The following BNC2 variants were observed in gnomAD, a reference collection of about 807,000 sequenced individuals.
The protein encoded by BNC2 is basonuclin zinc finger protein 2, also known as zinc finger protein basonuclin-2.
A neutral mutation model predicts 76.3 loss-of-function variants in BNC2; 20 were observed. The observed-to-expected ratio is 0.26, with a 90% CI of 0.18 to 0.38. The LOEUF (loss-of-function observed/expected upper bound fraction) is 0.38, where lower values mean the gene tolerates loss of function less well. BNC2 is among the 10% of genes least tolerant of loss of function. BNC2 has a pLI of 1.00. For missense variants in BNC2, 1,382 were observed against 1,399.8 expected, an observed-to-expected ratio of 0.99 and a Z score of 0.20; for synonymous variants, 582 against 514.8, an observed-to-expected ratio of 1.13 and a Z score of -1.77.
At chr9:16,610,788 G>A (rs1181605447) in intron 3 of BNC2, among the ~76,000 whole-genome samples, 1 of 152,094 alleles carries the variant, frequency 6.6e-6, no homozygotes, top group Non-Finnish European at 1.5e-5. Context: ...TTAGTCATGA[G>A]TGCATACCCA....
intron 3 of BNC2, among the ~76,000 whole-genome samples, chr9:16,614,576 A>G (rs1038647952): frequency 3.3e-5 from 5 of 152,022 alleles, no homozygotes; most frequent in Admixed American, 2.6e-4. Context: ...GTTTCCAGGT[A>G]CTATTTAAAA....
chr9:16,548,383 ATTC>A lies in BNC2; in HGVS notation c.669+4144_669+4146del, dbSNP rs555793995. Among the ~76,000 whole-genome samples the A allele has an allele frequency of 1.6e-3, 245 of 150,970 alleles. 2 individuals are homozygous for A. The highest frequency in any genetic ancestry group is 4.9e-3 in the African/African-American group (201 of 41,226). ...CACAAGATACAGACCTGAACTAAGA[ATTC>A]TTCTTCTTCTTCTTCTTCGTTTTTT... On this transcript the variant is annotated intron_variant, in intron 5 of 6. Coordinates refer to ENST00000380672, the MANE Select transcript of BNC2 (RefSeq NM_017637.6).
At chr9:16,723,104 T>G (rs531766626) in intron 3 of BNC2, among the ~76,000 whole-genome samples, 1 of 152,298 alleles carries the variant, frequency 6.6e-6, no homozygotes, top group East Asian at 1.9e-4. Flanking sequence ...GCATGCCTCT[T>G]AATATAAATA....
chr9:16,577,021 C>T (rs1819505181), intron 4 of BNC2, among the ~76,000 whole-genome samples: 1 of 152,182 alleles, frequency 6.6e-6, no homozygotes, highest in African/African-American at 2.4e-5. Context: ...CAGGCGTGAG[C>T]CACCGCGCCT....
intron 5 of BNC2, among the ~76,000 whole-genome samples, chr9:16,440,640 T>C (rs550286259): frequency 6.6e-6 from 1 of 152,206 alleles, no homozygotes; most frequent in Non-Finnish European, 1.5e-5. Flanking sequence ...GCATCTCATT[T>C]CCATCACCCT....
At chr9:16,846,592 T>C (rs180940409) in intron 1 of BNC2, among the ~76,000 whole-genome samples, 2 of 152,306 alleles carry the variant, frequency 1.3e-5, no homozygotes, top group African/African-American at 4.8e-5. Flanking sequence ...AGGGTTTCTC[T>C]TTCAGCAGGC....
In BNC2 at chr9:16,790,551, T is replaced by C. The variant is rs182027341; in HGVS notation, c.4-52066A>G. On this transcript the variant is annotated intron_variant, in intron 1 of 6. Transcript: ENST00000380672. ...CAATTCTAAACAAGCATCTTTTCCA[T>C]GCCTTGGTAGATAGGTATACTTCCT... Among the ~76,000 whole-genome samples, 71 of 152,358 alleles carry C rather than the reference T, an allele frequency of 4.7e-4. 1 individual carries two copies. Among genetic ancestry groups the C allele is most frequent in the African/African-American group, 1.6e-3 (65 of 41,592 alleles).
chr9:16,460,387 C>T (rs1377144995), intron 5 of BNC2, among the ~76,000 whole-genome samples: 1 of 151,864 alleles, frequency 6.6e-6, no homozygotes, highest in Admixed American at 6.6e-5. Context: ...CTTTGGGAGG[C>T]CAAGGCGGGT....
chr9:16,679,379 G>C (rs919049448), intron 3 of BNC2, among the ~76,000 whole-genome samples: 1 of 152,090 alleles, frequency 6.6e-6, no homozygotes, highest in Admixed American at 6.6e-5. Context: ...CGATGTCATC[G>C]CTATACAGCA....
intron 3 of BNC2, among the ~76,000 whole-genome samples, chr9:16,620,581 G>A (rs965022666): frequency 3.9e-5 from 6 of 152,138 alleles, no homozygotes; most frequent in Admixed American, 3.9e-4. Context: ...AGATATGGAA[G>A]CAAACCATGT....
chr9:16,540,680 A>C (rs1231093656), intron 5 of BNC2, among the ~76,000 whole-genome samples: 1 of 152,200 alleles, frequency 6.6e-6, no homozygotes, highest in East Asian at 1.9e-4. Context: ...TGTGATTTTA[A>C]AGGAGGCTTC....
At chr9:16,475,059 C>T (rs867373972) in intron 5 of BNC2, among the ~76,000 whole-genome samples, 2 of 152,266 alleles carry the variant, frequency 1.3e-5, no homozygotes, top group Non-Finnish European at 1.5e-5. Context: ...ACTCTAGGTA[C>T]AACACTATTC....
intron 1 of BNC2, among the ~76,000 whole-genome samples, chr9:16,829,738 T>G (rs1466721577): frequency 1.3e-5 from 2 of 152,192 alleles, no homozygotes; most frequent in Non-Finnish European, 2.9e-5. Flanking sequence ...TGTACAAAAT[T>G]CAACTACAAA....
At chr9:16,591,661 C>T (rs1042497426) in intron 3 of BNC2, among the ~76,000 whole-genome samples, 2 of 152,110 alleles carry the variant, frequency 1.3e-5, no homozygotes, top group Middle Eastern at 3.4e-3. Context: ...CATGTTAAAC[C>T]ATAGTGCAAA....
intron 5 of BNC2, among the ~76,000 whole-genome samples, chr9:16,536,650 T>A (rs950359018): frequency 6.6e-6 from 1 of 152,140 alleles, no homozygotes; most frequent in Non-Finnish European, 1.5e-5. Context: ...TGTATATATA[T>A]CCCATAAATA....
At position 16,796,460 on chromosome 9, in the gene BNC2, T is replaced by C. The variant is rs532505439; in HGVS notation, c.4-57975A>G. ...CAAGGAAGTATAGGAGACTGCTTAATAAGAAATCATGAAAGGCAGGAGAAT... is the reference window on the plus strand; with the variant it reads ...CAAGGAAGTATAGGAGACTGCTTAACAAGAAATCATGAAAGGCAGGAGAAT... On this transcript the variant is annotated intron_variant, in intron 1 of 6. Transcript: ENST00000380672. Among the ~76,000 whole-genome samples, 7 of 151,806 alleles carry C rather than the reference T, an allele frequency of 4.6e-5. No individual in the cohort carries two copies. In the South Asian group the frequency reaches 6.3e-4, roughly 14 times the overall value.
chr9:16,840,504 T>A (rs1467695106), intron 1 of BNC2, among the ~76,000 whole-genome samples: 3 of 152,202 alleles, frequency 2.0e-5, no homozygotes, highest in Non-Finnish European at 4.4e-5. Context: ...ATTCACCCTA[T>A]CACAAGTGTT....
chr9:16,617,056 G>A (rs1308486638), intron 3 of BNC2, among the ~76,000 whole-genome samples: 1 of 152,154 alleles, frequency 6.6e-6, no homozygotes, highest in African/African-American at 2.4e-5. Flanking sequence ...AAATCACAGT[G>A]TTGGCAATCT....
intron 1 of BNC2, among the ~76,000 whole-genome samples, chr9:16,854,100 G>C (rs947680717): frequency 6.6e-6 from 1 of 152,144 alleles, no homozygotes; most frequent in Admixed American, 6.5e-5. Flanking sequence ...CTAACATCAA[G>C]TGGATGTTTG....
Sources: gnomAD v4.1 joint callset for allele counts (sites outside exome capture counted in the v4.1 genomes callset) on GRCh38, gnomAD v4.1.1 for gene constraint, MANE v1.5 for transcripts, NCBI Gene and HGNC (gene_info 2026-07-23, HGNC 2026-07-21) for gene names.